ARL15: variants seen among roughly 807,000 people sequenced by gnomAD.
The protein encoded by ARL15 is ADP-ribosylation factor-like protein 15.
ARL15 carries 19 observed loss-of-function variants against 25.2 expected under a neutral mutation model. The observed-to-expected ratio is 0.75, with a 90% CI of 0.53 to 1.10. The LOEUF is 1.10. Ranked by LOEUF, ARL15 falls within the 50% of genes least tolerant of loss-of-function variation. The pLI is 0.00. For missense variants in ARL15, 220 were observed against 246.0 expected, an observed-to-expected ratio of 0.89 and a Z score of 0.71; for synonymous variants, 94 against 86.8, an observed-to-expected ratio of 1.08 and a Z score of -0.46.
chr5:54,199,786 A>AT (rs1047412891), intron 1 of ARL15, among the ~76,000 whole-genome samples: 1 of 124,772 alleles, frequency 8.0e-6, no homozygotes, highest in African/African-American at 3.1e-5. Context: ...CAGCCATCCC[A>AT]TTACTGGGTA....
chr5:53,963,050 T>C (rs1747423944), intron 4 of ARL15, among the ~76,000 whole-genome samples: 1 of 152,114 alleles, frequency 6.6e-6, no homozygotes, highest in Non-Finnish European at 1.5e-5. Context: ...CAGCCTCTAT[T>C]ACCCCATTAT....
At chr5:54,135,552 T>C (rs1054561927) in intron 3 of ARL15, among the ~76,000 whole-genome samples, 3 of 152,284 alleles carry the variant, frequency 2.0e-5, no homozygotes, top group Middle Eastern at 3.4e-3. Flanking sequence ...TTAGTGTGGC[T>C]CCACAAGGCA....
At chr5:53,914,137 C>CCCCA (rs1554025973) in intron 4 of ARL15, among the ~76,000 whole-genome samples, 18 of 148,672 alleles carry the variant, frequency 1.2e-4, no homozygotes, top group East Asian at 2.0e-4. Flanking sequence ...GTGCACAGGC[C>CCCCA]CACACACACA....
intron 1 of ARL15, among the ~76,000 whole-genome samples, chr5:54,216,430 T>A (rs1228575430): frequency 6.6e-6 from 1 of 152,214 alleles, no homozygotes; most frequent in African/African-American, 2.4e-5. Context: ...TCTATCAGTA[T>A]CTGATGGAAG....
chr5:54,115,978 G>T (rs1406094559), intron 3 of ARL15, among the ~76,000 whole-genome samples: 1 of 152,168 alleles, frequency 6.6e-6, no homozygotes, highest in Non-Finnish European at 1.5e-5. Context: ...GAAACTAGAA[G>T]TGAAAGAAGT....
intron 3 of ARL15, 127 bp downstream of exon 3, chr5:54,154,453 T>A: frequency 1.6e-6 from 1 of 632,890 alleles, no homozygotes; most frequent in Non-Finnish European, 2.7e-6. Context: ...CTAGGAAATA[T>A]ATTATCAAGA....
intron 4 of ARL15, among the ~76,000 whole-genome samples, chr5:53,955,295 ACAGT>A (rs1747109303): frequency 6.6e-6 from 1 of 152,146 alleles, no homozygotes; most frequent in African/African-American, 2.4e-5. Context: ...CCAAGCTAAT[ACAGT>A]CAGATTTACC....
intron 4 of ARL15, among the ~76,000 whole-genome samples, chr5:54,028,189 G>A (rs1749849890): frequency 6.6e-6 from 1 of 152,062 alleles, no homozygotes; most frequent in Non-Finnish European, 1.5e-5. Context: ...CCAAAATGCT[G>A]GGATTACAGG....
At chr5:54,242,066 T>C (rs1034248487) in intron 1 of ARL15, among the ~76,000 whole-genome samples, 3 of 152,118 alleles carry the variant, frequency 2.0e-5, no homozygotes, top group Non-Finnish European at 4.4e-5. Flanking sequence ...CACGGTGTCC[T>C]TACCTGCCTC....
chr5:53,972,204 T>C (rs954164127), intron 4 of ARL15, among the ~76,000 whole-genome samples: 1 of 152,186 alleles, frequency 6.6e-6, no homozygotes, highest in Admixed American at 6.5e-5. Context: ...GGATCATAAA[T>C]GTAAATAATT....
rs182429687 is a variant in ARL15, at chr5:54,139,380, A to G, written c.253+15200T>C. Among the ~76,000 whole-genome samples, 248 of 152,326 alleles carry G rather than the reference A, an allele frequency of 1.6e-3. 2 individuals carry two copies. Among genetic ancestry groups the G allele is most frequent in the Admixed American group, 8.1e-3 (124 of 15,300 alleles). On this transcript the variant is annotated intron_variant, in intron 3 of 4. Transcript: ENST00000504924. ...CTTTTGCAGCAACTTGCGTGAAGCTAGAGGTCATTATTCTAAGTGAAGTAA... is the reference window on the plus strand; with the variant it reads ...CTTTTGCAGCAACTTGCGTGAAGCTGGAGGTCATTATTCTAAGTGAAGTAA...
intron 4 of ARL15, among the ~76,000 whole-genome samples, chr5:53,923,850 G>C (rs1235428716): frequency 6.6e-6 from 1 of 151,782 alleles, no homozygotes; most frequent in Non-Finnish European, 1.5e-5. Context: ...GGGCAACAGA[G>C]CAAGACTCCG....
intron 2 of ARL15, among the ~76,000 whole-genome samples, chr5:54,170,524 A>G (rs1171646358): frequency 6.6e-6 from 1 of 152,166 alleles, no homozygotes; most frequent in Admixed American, 6.6e-5. Context: ...CTGGCACTCT[A>G]TTAAACATAC....
At chr5:54,188,351 G>C (rs138686550) in intron 1 of ARL15, among the ~76,000 whole-genome samples, 3 of 152,126 alleles carry the variant, frequency 2.0e-5, no homozygotes, top group Admixed American at 6.5e-5. Flanking sequence ...GGCCTCATTT[G>C]CTTGGTGAAT....
At chr5:53,956,629 A>C (rs903774816) in intron 4 of ARL15, among the ~76,000 whole-genome samples, 11 of 151,956 alleles carry the variant, frequency 7.2e-5, no homozygotes, top group Admixed American at 2.0e-4. Context: ...ACTAAAGGAC[A>C]TCAGGAGAAT....
At chr5:54,209,856 G>C (rs1481523169) in intron 1 of ARL15, among the ~76,000 whole-genome samples, 1 of 151,950 alleles carries the variant, frequency 6.6e-6, no homozygotes, top group Non-Finnish European at 1.5e-5. Context: ...TTTATTCATA[G>C]CCTATCTTCT....
chr5:54,194,946 C>T (rs1317786299), intron 1 of ARL15, among the ~76,000 whole-genome samples: 1 of 152,126 alleles, frequency 6.6e-6, no homozygotes, highest in African/African-American at 2.4e-5. Flanking sequence ...GTGAGGTATG[C>T]CACAAAGAGT....
At chr5:54,050,739 T>A (rs1750680372) in intron 4 of ARL15, among the ~76,000 whole-genome samples, 1 of 152,192 alleles carries the variant, frequency 6.6e-6, no homozygotes, top group African/African-American at 2.4e-5. Context: ...CGCTTAGTAA[T>A]CTTCGTGTCT....
intron 4 of ARL15, among the ~76,000 whole-genome samples, chr5:54,026,292 A>G (rs1749784734): frequency 1.3e-5 from 2 of 152,206 alleles, no homozygotes; most frequent in African/African-American, 4.8e-5. Flanking sequence ...TTTTTGAGAC[A>G]GGGTCTCACT....
Sources: gnomAD v4.1 joint callset for allele counts (sites outside exome capture counted in the v4.1 genomes callset) on GRCh38, gnomAD v4.1.1 for gene constraint, MANE v1.5 for transcripts, NCBI Gene and HGNC (gene_info 2026-07-23, HGNC 2026-07-21) for gene names.